The following MAPKBP1 variants were observed in gnomAD, a reference collection of about 807,000 sequenced individuals.
MAPKBP1 encodes mitogen-activated protein kinase binding protein 1, also known as mitogen-activated protein kinase-binding protein 1.
MAPKBP1 carries 71 observed loss-of-function variants against 170.5 expected under a neutral mutation model. The ratio of observed to expected loss-of-function variants is 0.42; its 90% CI spans 0.34 to 0.51. MAPKBP1 has a LOEUF of 0.51. MAPKBP1 is among the 20% of genes least tolerant of loss of function. MAPKBP1 has a pLI of 0.06. For synonymous variants in MAPKBP1, 719 were observed against 757.9 expected (o/e 0.95, Z 0.84); for missense variants, 1,598 against 1,933.0 (o/e 0.83, Z 3.25).
At chr15:41,809,151 G>A (rs1304679179) in intron 3 of MAPKBP1, among the ~76,000 whole-genome samples, 2 of 151,872 alleles carry the variant, frequency 1.3e-5, no homozygotes, top group East Asian at 1.9e-4. Flanking sequence ...GGGAGGATGA[G>A]GCAGGAGGAT....
In MAPKBP1 at chr15:41,810,874, T is replaced by C. The variant is rs376170248; in HGVS notation, c.207-9T>C. The C allele has an allele frequency of 5.0e-6, 8 of 1,613,970 alleles. No homozygotes were observed. In the African/African-American group the frequency reaches 6.7e-5, roughly 13 times the overall value. On this transcript the variant is annotated splice_polypyrimidine_tract_variant and intron_variant, in intron 3 of 30. Coordinates refer to ENST00000457542, the MANE Select transcript of MAPKBP1 (RefSeq NM_014994.3). Reference sequence around the variant, plus strand: ...TGCTGCTGAGCCTGTTGTCTGCTCATCTCCTCAGGTGTGTGGTTGTGTTGT... The same window carrying C: ...TGCTGCTGAGCCTGTTGTCTGCTCACCTCCTCAGGTGTGTGGTTGTGTTGT...
At chr15:41,776,920 A>G (rs529995110) in intron 2 of MAPKBP1, among the ~76,000 whole-genome samples, 7 of 152,354 alleles carry the variant, frequency 4.6e-5, no homozygotes, top group Admixed American at 2.6e-4. Flanking sequence ...CCTTGCCATC[A>G]AAGAGCTTAT....
At chr15:41,787,480 G>A (rs1210941189) in intron 2 of MAPKBP1, among the ~76,000 whole-genome samples, 3 of 151,998 alleles carry the variant, frequency 2.0e-5, no homozygotes, top group Admixed American at 1.3e-4. Context: ...CAATTCTCCT[G>A]CCTCCGCCTC....
At chr15:41,819,513 G>A in intron 21 of MAPKBP1, 82 bp from the exon 22 acceptor site, 4 of 1,573,620 alleles carry the variant, frequency 2.5e-6, no homozygotes, top group Non-Finnish European at 3.5e-6. Flanking sequence ...CACAGGGTAT[G>A]GGCTGATGGG....
Position 41,818,097 on chromosome 15 carries a change from A to T in MAPKBP1, c.1980+13A>T. The T allele has an allele frequency of 6.2e-7, 1 of 1,613,862 alleles. No individual in the cohort carries two copies. ...CACACTCATTAAGGTAAGGACCCAG[A>T]GGGGGTACTGGACAGGGGCTCGGGG... On this transcript the variant is annotated intron_variant, in intron 17 of 30. Coordinates refer to ENST00000457542, the MANE Select transcript of MAPKBP1 (RefSeq NM_014994.3). The surrounding 1 kb of genome is among the most constrained non-coding windows in gnomAD (Gnocchi z 5.2).
intron 3 of MAPKBP1, among the ~76,000 whole-genome samples, chr15:41,809,708 G>T (rs759674560): frequency 2.6e-5 from 4 of 152,266 alleles, no homozygotes; most frequent in Non-Finnish European, 4.4e-5. Flanking sequence ...AAGCTGCCTG[G>T]CTATTGGCCT....
intron 2 of MAPKBP1, among the ~76,000 whole-genome samples, chr15:41,786,942 A>T (rs2064308529): frequency 6.6e-6 from 1 of 151,236 alleles, no homozygotes; most frequent in South Asian, 2.1e-4. Flanking sequence ...TCTGTCGCCC[A>T]GGCTGGAGTG....
intron 3 of MAPKBP1, 66 bp from the exon 4 acceptor site, chr15:41,810,817 T>C: frequency 7.2e-7 from 1 of 1,391,730 alleles, no homozygotes; most frequent in Non-Finnish European, 1.0e-6. Flanking sequence ...AAGTCCTGGG[T>C]GGCCTGGAGG....
In MAPKBP1 at chr15:41,811,245, G is replaced by A; in HGVS notation, c.327+10G>A. On this transcript the variant is annotated intron_variant, in intron 5 of 30. Transcript: ENST00000457542. ...CTTGGTCACTGGAGAGGTGAGTGAG[G>A]AAGAGGGCTGGCAGTACTGTAAAGA... 6.2e-7 allele frequency: 1 copy of A among 1,614,252 alleles called. No homozygotes were observed. The highest frequency in any genetic ancestry group is 1.3e-5 in the African/African-American group (1 of 75,074).
At position 41,826,070 on chromosome 15, in the gene MAPKBP1, C is replaced by G. The variant is rs1033442180; in HGVS notation, c.*634C>G. ...GCACATTCCACTCCCATTCTCCCTC[C>G]AAGAGGGGCCCAGCATTGTATTTCC... On this transcript the variant is annotated 3_prime_UTR_variant, in exon 31 of 31. Coordinates refer to ENST00000457542, the MANE Select transcript of MAPKBP1 (RefSeq NM_014994.3). 1.3e-5 allele frequency: 2 copies of G among 152,792 alleles called. No homozygotes were observed. The allele number at this position is 152,792 out of a possible 1,614,324, so 9.5% of individuals were successfully genotyped here. A position where few individuals can be genotyped will look rare whatever the true frequency, so the allele number is the denominator to read the frequency against.
chr15:41,798,016 C>T (rs554749193), intron 2 of MAPKBP1, among the ~76,000 whole-genome samples: 2 of 151,768 alleles, frequency 1.3e-5, no homozygotes, highest in Admixed American at 1.3e-4. Flanking sequence ...TTTGGGAGGC[C>T]GAGGCGGGCG....
chr15:41,821,392 C>T (rs1025115384), intron 23 of MAPKBP1, 192 bp from the exon 24 acceptor site: 1 of 623,068 alleles, frequency 1.6e-6, no homozygotes, highest in Non-Finnish European at 2.8e-6. Context: ...ACATCAGCAA[C>T]TGGAGCCCAG....
Position 41,815,327 on chromosome 15 carries a change from A to G in MAPKBP1, c.1239A>G (p.Ser413=). Residue 413 remains serine (S), a synonymous_variant, in exon 11 of 31, where the codon TCA becomes TCG. Coordinates refer to ENST00000457542, the MANE Select transcript of MAPKBP1 (RefSeq NM_014994.3). ...CCAGTTCCTTTATTACCTGCTCCTC[A>G]GACAACACCATCCGCCTGTGGAACA... The part of the protein sequence containing the change: ...LPPSSFITCS[S]DNTIRLWNTE... The G allele has an allele frequency of 6.2e-7, 1 of 1,614,170 alleles. No individual in the cohort carries two copies. The highest frequency in any genetic ancestry group is 8.5e-7 in the Non-Finnish European group (1 of 1,180,034).
chr15:41,775,629 T>C (rs1233002585), intron 2 of MAPKBP1, among the ~76,000 whole-genome samples: 1 of 152,240 alleles, frequency 6.6e-6, no homozygotes, highest in Non-Finnish European at 1.5e-5. Flanking sequence ...CTGGGTTCAA[T>C]TGTGGCCTCA....
chr15:41,827,806 C>A lies in MAPKBP1; in HGVS notation c.*2370C>A. The stretch of plus-strand genomic sequence containing the variant: ...GGGCGGGGGCGCTGTTTTTAACGTG[C>A]CCGTTTGTACTGATGTATGAACTTG... On this transcript the variant is annotated 3_prime_UTR_variant, in exon 31 of 31. Coordinates refer to ENST00000457542, the MANE Select transcript of MAPKBP1 (RefSeq NM_014994.3). 1 of 293,838 alleles carries A rather than the reference C, an allele frequency of 3.4e-6. No homozygotes were observed. Among genetic ancestry groups the A allele is most frequent in the Non-Finnish European group, 6.3e-6 (1 of 158,800 alleles). The allele number at this position is 293,838 out of a possible 1,614,324, so 18.2% of individuals were successfully genotyped here.
rs1310503944 is a variant in MAPKBP1, at chr15:41,817,770, C to G, written c.1904+35C>G. 2.5e-6 allele frequency: 4 copies of G among 1,603,518 alleles called. No individual in the cohort carries two copies. In the African/African-American group the frequency reaches 4.0e-5, roughly 16 times the overall value. ...CCCTCCTCAGACTCTGCCCACATTCCTTCATCTCCCTACGGGGTCAGCTCT... is the reference window on the plus strand; with the variant it reads ...CCCTCCTCAGACTCTGCCCACATTCGTTCATCTCCCTACGGGGTCAGCTCT... On this transcript the variant is annotated intron_variant, in intron 16 of 30. Coordinates refer to ENST00000457542, the MANE Select transcript of MAPKBP1 (RefSeq NM_014994.3). This position sits in a 1 kb window ranked among gnomAD's most constrained non-coding sequence, Gnocchi z 4.2.
intron 3 of MAPKBP1, among the ~76,000 whole-genome samples, chr15:41,806,962 C>A (rs762883602): frequency 3.3e-5 from 5 of 152,212 alleles, no homozygotes; most frequent in Non-Finnish European, 1.5e-5. Flanking sequence ...TCAGCATCTG[C>A]GTTATCGTCC....
intron 9 of MAPKBP1, 68 bp from the exon 10 acceptor site, chr15:41,814,482 C>T: frequency 6.7e-7 from 1 of 1,492,492 alleles, no homozygotes; most frequent in Non-Finnish European, 9.2e-7. Context: ...ACTGCTCCTT[C>T]CATTGTGGAT....
At position 41,813,037 on chromosome 15, in the gene MAPKBP1, C is replaced by T. The variant is rs1165068600; in HGVS notation, c.755C>T (p.Thr252Met). 4 of 1,613,900 alleles carry T rather than the reference C, an allele frequency of 2.5e-6. No individual in the cohort carries two copies. The highest frequency in any genetic ancestry group is 1.7e-5 in the Admixed American group (1 of 59,992). The change falls in exon 8 of 31, where the codon ACG (threonine) becomes ATG (methionine). Residue 252 changes from threonine (T) to methionine (M), a missense_variant. Thr to Met is a moderately conservative substitution (Grantham distance 81). Transcript: ENST00000457542. ...GKKADSTFCI[T>M]SSGLLCEFSD... Reference sequence around the variant, plus strand: ...AAGGCGGACAGTACCTTCTGCATCACGTCCTCAGGGCTGCTGTGCGAGTTC... The same window carrying T: ...AAGGCGGACAGTACCTTCTGCATCATGTCCTCAGGGCTGCTGTGCGAGTTC...
Sources: allele counts gnomAD v4.1 joint callset (sites outside exome capture counted in the v4.1 genomes callset), GRCh38; gene constraint gnomAD v4.1.1; non-coding constraint Gnocchi (gnomAD v3.1); transcripts MANE v1.5; gene names NCBI Gene and HGNC (gene_info 2026-07-23, HGNC 2026-07-21).